LRP1B: variants seen among roughly 807,000 people sequenced by gnomAD.
LRP1B encodes the protein LDL receptor related protein 1B.
In LRP1B, 217 loss-of-function variants were observed where a neutral mutation model predicts 556.6. That is an observed-to-expected ratio of 0.39 (90% confidence interval 0.35 to 0.44). The LOEUF (loss-of-function observed/expected upper bound fraction) is 0.44. Among genes scored for constraint, LRP1B ranks in the 20% least tolerant of loss-of-function variants. The probability of loss-of-function intolerance (pLI) is 1.00; values close to 1 mark genes in which losing one functional copy is unlikely to be tolerated. For missense variants in LRP1B, 5,053 were observed against 5,620.8 expected, an observed-to-expected ratio of 0.90 and a Z score of 3.23; for synonymous variants, 2,047 against 1,865.8, an observed-to-expected ratio of 1.10 and a Z score of -2.50.
chr2:141,639,349 T>TATATACACATACACAC (rs1262198983), intron 2 of LRP1B, among the ~76,000 whole-genome samples: 3 of 56,110 alleles, frequency 5.3e-5, no homozygotes, highest in African/African-American at 2.0e-4. Flanking sequence ...TATATATATA[T>TATATACACATACACAC]ACACACACAC....
chr2:140,962,581 A>C (rs562028469), intron 18 of LRP1B, among the ~76,000 whole-genome samples: 1 of 152,120 alleles, frequency 6.6e-6, no homozygotes, highest in South Asian at 2.1e-4. Flanking sequence ...GACAACTCAC[A>C]GAAGTTACAC....
chr2:141,112,415 A>G (rs1409079807), intron 7 of LRP1B, among the ~76,000 whole-genome samples: 1 of 152,282 alleles, frequency 6.6e-6, no homozygotes, highest in South Asian at 2.1e-4. Flanking sequence ...GCTATTTAAA[A>G]TGGCCCCCAA....
intron 2 of LRP1B, among the ~76,000 whole-genome samples, chr2:141,708,481 C>T (rs765396474): frequency 7.9e-5 from 12 of 151,982 alleles, no homozygotes; most frequent in Non-Finnish European, 1.2e-4. Context: ...ACACACATAC[C>T]GACACATGCT....
chr2:140,467,173 A>T (rs1470493202), intron 60 of LRP1B, among the ~76,000 whole-genome samples: 2 of 152,150 alleles, frequency 1.3e-5, no homozygotes, highest in African/African-American at 2.4e-5. Context: ...TTTATAACAA[A>T]TTTTTTCTTA....
intron 43 of LRP1B, among the ~76,000 whole-genome samples, chr2:140,564,374 T>C (rs558338251): frequency 6.6e-6 from 1 of 152,212 alleles, no homozygotes; most frequent in African/African-American, 2.4e-5. Flanking sequence ...TATCCTTGGA[T>C]TTCAGATTTT....
intron 7 of LRP1B, among the ~76,000 whole-genome samples, chr2:141,103,522 T>TCTCTCTCTCTCTCTCTCTCTCTCTCTC (rs1700518873): frequency 6.7e-6 from 1 of 149,026 alleles, no homozygotes; most frequent in African/African-American, 2.5e-5. Flanking sequence ...AGCACACACA[T>TCTCTCTCTCTCTCTCTCTCTCTCTCTC]TCTCTCTCTC....
chr2:141,303,493 G>T (rs1396836530), intron 3 of LRP1B, among the ~76,000 whole-genome samples: 1 of 151,960 alleles, frequency 6.6e-6, no homozygotes, highest in Non-Finnish European at 1.5e-5. Context: ...CTGCCTCCAT[G>T]AAATAAAAAT....
intron 1 of LRP1B, among the ~76,000 whole-genome samples, chr2:142,051,933 T>C (rs1218697284): frequency 1.3e-5 from 2 of 152,156 alleles, no homozygotes; most frequent in Non-Finnish European, 2.9e-5. Context: ...AATCAGTATA[T>C]GTGTTCTTTA....
chr2:141,728,637 G>A (rs867215617), intron 2 of LRP1B, among the ~76,000 whole-genome samples: 7 of 151,994 alleles, frequency 4.6e-5, no homozygotes, highest in African/African-American at 1.4e-4. Flanking sequence ...CTGGCTATTC[G>A]GAAGCTCATT....
intron 2 of LRP1B, among the ~76,000 whole-genome samples, chr2:141,577,303 A>G (rs538881043): frequency 4.5e-4 from 69 of 152,248 alleles, no homozygotes; most frequent in Middle Eastern, 6.8e-3. Flanking sequence ...GGGGATTATC[A>G]CCACAATAGG....
At chr2:140,270,385 T>C (rs1573713986) in intron 85 of LRP1B, 39 bp from the exon 86 acceptor site, 2 of 1,265,168 alleles carry the variant, frequency 1.6e-6, no homozygotes, top group South Asian at 1.2e-5. Flanking sequence ...TTCATTGTTA[T>C]TGGCAACATT....
At chr2:141,142,342 G>A (rs938168803) in intron 7 of LRP1B, among the ~76,000 whole-genome samples, 2 of 152,142 alleles carry the variant, frequency 1.3e-5, no homozygotes, top group African/African-American at 4.8e-5. Context: ...ATCGGCTTCA[G>A]TTTTAGTTCT....
At chr2:141,722,523 G>A (rs1692860663) in intron 2 of LRP1B, among the ~76,000 whole-genome samples, 1 of 152,104 alleles carries the variant, frequency 6.6e-6, no homozygotes, top group Non-Finnish European at 1.5e-5. Flanking sequence ...ATTTATTGGT[G>A]ATCTTTCCTA....
chr2:141,044,410 A>G (rs1186101313), intron 11 of LRP1B, among the ~76,000 whole-genome samples: 1 of 151,764 alleles, frequency 6.6e-6, no homozygotes, highest in Non-Finnish European at 1.5e-5. Context: ...AAAAGACAAA[A>G]TTGACAAAAG....
At chr2:140,931,452 T>C (rs921076026) in intron 20 of LRP1B, among the ~76,000 whole-genome samples, 4 of 151,886 alleles carry the variant, frequency 2.6e-5, no homozygotes, top group Non-Finnish European at 5.9e-5. Flanking sequence ...TCGTCATGAG[T>C]ACATAGACTT....
chr2:142,057,263 A>G (rs775546623), intron 1 of LRP1B, among the ~76,000 whole-genome samples: 19 of 152,126 alleles, frequency 1.2e-4, no homozygotes, highest in African/African-American at 2.2e-4. Flanking sequence ...CCTGAATGGA[A>G]ATAACCATTT....
intron 18 of LRP1B, among the ~76,000 whole-genome samples, chr2:140,959,831 C>CA (rs1315592941): frequency 6.6e-6 from 1 of 151,494 alleles, no homozygotes; most frequent in African/African-American, 2.4e-5. Context: ...ACAGAAATTT[C>CA]AAAAATGCAT....
At chr2:140,677,718 C>CAA (rs66709552) in intron 41 of LRP1B, among the ~76,000 whole-genome samples, 305 of 151,350 alleles carry the variant, frequency 2.0e-3, no homozygotes, top group African/African-American at 7.0e-3. Context: ...ACTAAAAATA[C>CAA]AAAAAAAACT....
intron 35 of LRP1B, among the ~76,000 whole-genome samples, chr2:140,718,655 C>T (rs1294989053): frequency 1.3e-5 from 2 of 152,070 alleles, no homozygotes; most frequent in African/African-American, 4.8e-5. Context: ...TCTCCGCTGT[C>T]TCGCACCAAA....
Sources: allele counts gnomAD v4.1 joint callset (sites outside exome capture counted in the v4.1 genomes callset), GRCh38; gene constraint gnomAD v4.1.1; transcripts MANE v1.5; gene names NCBI Gene and HGNC (gene_info 2026-07-23, HGNC 2026-07-21).